The following EXOC6 variants were observed in gnomAD, a reference collection of about 807,000 sequenced individuals.
EXOC6 encodes SEC15-like 1.
In EXOC6, 60 loss-of-function variants were observed where a neutral mutation model predicts 112.5. The observed-to-expected ratio is 0.53, with a 90% CI of 0.43 to 0.66. The LOEUF is 0.66. EXOC6 is among the 30% of genes least tolerant of loss of function. The probability of loss-of-function intolerance (pLI) is 0.00; values close to 1 mark genes in which losing one functional copy is unlikely to be tolerated. For missense variants in EXOC6, 855 were observed against 957.1 expected, an observed-to-expected ratio of 0.89 and a Z score of 1.41; for synonymous variants, 295 against 308.0, an observed-to-expected ratio of 0.96 and a Z score of 0.44.
At chr10:92,990,535 C>A (rs1211329614) in intron 18 of EXOC6, among the ~76,000 whole-genome samples, 1 of 152,114 alleles carries the variant, frequency 6.6e-6, no homozygotes, top group African/African-American at 2.4e-5. Flanking sequence ...AGCTGTAGAC[C>A]TTAATGAGAG....
intron 1 of EXOC6, among the ~76,000 whole-genome samples, chr10:92,856,165 C>G (rs184865381): frequency 2.0e-5 from 3 of 151,982 alleles, no homozygotes; most frequent in Non-Finnish European, 4.4e-5. Context: ...CACCTGGCCT[C>G]TCTATTGTTT....
chr10:92,945,909 G>T (rs906146510), intron 13 of EXOC6, among the ~76,000 whole-genome samples: 1 of 152,184 alleles, frequency 6.6e-6, no homozygotes, highest in Non-Finnish European at 1.5e-5. Context: ...TACCAAAAAA[G>T]TAATTTTTGT....
intron 1 of EXOC6, among the ~76,000 whole-genome samples, chr10:92,889,210 G>A (rs1849375645): frequency 6.6e-6 from 1 of 152,172 alleles, no homozygotes; most frequent in South Asian, 2.1e-4. Flanking sequence ...CTAGTCATTA[G>A]TGTATGTTAA....
intron 5 of EXOC6, among the ~76,000 whole-genome samples, chr10:92,905,884 A>T (rs1309077218): frequency 6.6e-6 from 1 of 152,110 alleles, no homozygotes; most frequent in Admixed American, 6.6e-5. Context: ...CAGTTCAGCT[A>T]TGTCCTTATT....
At chr10:93,042,675 A>G (rs1469566060) in intron 20 of EXOC6, among the ~76,000 whole-genome samples, 1 of 152,208 alleles carries the variant, frequency 6.6e-6, no homozygotes, top group Non-Finnish European at 1.5e-5. Context: ...AACTGTGAGA[A>G]ATACATTTGT....
At chr10:93,024,168 G>A (rs1044345189) in intron 20 of EXOC6, among the ~76,000 whole-genome samples, 4 of 152,076 alleles carry the variant, frequency 2.6e-5, no homozygotes, top group African/African-American at 7.2e-5. Flanking sequence ...TCATTTGATC[G>A]TATCTTGATA....
rs1056188613 is a variant in EXOC6, at chr10:92,858,030, T to TCC, written c.101+9397_101+9398dup. On this transcript the variant is annotated intron_variant, in intron 1 of 21. Transcript: ENST00000260762. ...ATTTTTAGTTGACGGGTTCCCCCCCTCCGCCGGCCAGCAGTTTGAATATGT... is the reference window on the plus strand; with the variant it reads ...ATTTTTAGTTGACGGGTTCCCCCCCTCCCCGCCGGCCAGCAGTTTGAATATGT... Among the ~76,000 whole-genome samples the TCC allele has an allele frequency of 3.8e-4, 46 of 120,568 alleles. 5 individuals carry two copies. Among genetic ancestry groups the TCC allele is most frequent in the African/African-American group, 1.0e-3 (35 of 33,556 alleles). 79.1% of individuals were successfully genotyped at this position (120,568 alleles called of 152,430 possible).
Position 92,974,079 on chromosome 10 carries a change from A to G in EXOC6, c.1800A>G (p.Glu600=), listed in dbSNP as rs1325581328. 2 of 1,598,066 alleles carry G rather than the reference A, an allele frequency of 1.3e-6. No homozygotes were observed. Among genetic ancestry groups the G allele is most frequent in the Non-Finnish European group, 1.7e-6 (2 of 1,176,592 alleles). Residue 600 remains glutamate, a synonymous_variant, in exon 18 of 22, where the codon GAA becomes GAG. Transcript: ENST00000260762. ...FKDARHAAEG[E]IYTKLNQKID... The stretch of plus-strand genomic sequence containing the variant: ...ATGCTCGACATGCAGCAGAAGGAGA[A>G]ATATATACCAAACTGAATCAAAAAA...
intron 18 of EXOC6, among the ~76,000 whole-genome samples, chr10:92,991,600 G>C (rs1329646718): frequency 6.6e-6 from 1 of 152,166 alleles, no homozygotes; most frequent in Admixed American, 6.5e-5. Flanking sequence ...GCCAAAGTTT[G>C]ATAAGCCCTA....
intron 6 of EXOC6, among the ~76,000 whole-genome samples, chr10:92,913,464 T>A (rs1183977136): frequency 1.3e-5 from 2 of 152,236 alleles, no homozygotes; most frequent in African/African-American, 4.8e-5. Flanking sequence ...TTCCTCAGTC[T>A]CATCTTGATA....
chr10:92,827,433 C>T (rs955218739), intron 1 of EXOC6, among the ~76,000 whole-genome samples: 2 of 126,744 alleles, frequency 1.6e-5, no homozygotes, highest in Non-Finnish European at 3.1e-5. Context: ...GAGATGGCAC[C>T]ACTGCACTGC....
intron 14 of EXOC6, among the ~76,000 whole-genome samples, chr10:92,949,795 C>T (rs776245901): frequency 6.6e-5 from 10 of 151,978 alleles, no homozygotes; most frequent in Non-Finnish European, 1.5e-4. Context: ...AGGGTTTCAC[C>T]GTGTAGGTCA....
chr10:92,948,781 A>G (rs1222475844), intron 14 of EXOC6, among the ~76,000 whole-genome samples: 2 of 148,610 alleles, frequency 1.3e-5, no homozygotes, highest in African/African-American at 5.0e-5. Context: ...GAAAGAGACA[A>G]GAATTTCTTT....
chr10:92,969,397 G>C (rs1056038640), intron 17 of EXOC6, among the ~76,000 whole-genome samples: 4 of 152,156 alleles, frequency 2.6e-5, no homozygotes, highest in Non-Finnish European at 4.4e-5. Flanking sequence ...TGAGGTCACA[G>C]ATGCTGTAGT....
In EXOC6 at chr10:92,858,017, C is replaced by A. The variant is rs1003921472; in HGVS notation, c.101+9383C>A. Reference sequence around the variant, plus strand: ...TACCATATGTAAGATTTTTAGTTGACGGGTTCCCCCCCTCCGCCGGCCAGC... The same window carrying A: ...TACCATATGTAAGATTTTTAGTTGAAGGGTTCCCCCCCTCCGCCGGCCAGC... On this transcript the variant is annotated intron_variant, in intron 1 of 21. Transcript: ENST00000260762. Among the ~76,000 whole-genome samples, 4 of 128,480 alleles carry A rather than the reference C, an allele frequency of 3.1e-5. No individual in the cohort carries two copies. The South Asian group carries it at 9.2e-4, about 29-fold the overall frequency. The allele number at this position is 128,480 out of a possible 152,430, so 84.3% of individuals were successfully genotyped here. A position where few individuals can be genotyped will look rare whatever the true frequency, so the allele number is the denominator to read the frequency against.
chr10:92,891,038 G>T (rs1005596432), intron 1 of EXOC6, among the ~76,000 whole-genome samples: 2 of 152,188 alleles, frequency 1.3e-5, no homozygotes, highest in Non-Finnish European at 2.9e-5. Context: ...CATGTTGTTG[G>T]CTTAGTCCAG....
chr10:92,941,800 G>A (rs1852682006), intron 13 of EXOC6, among the ~76,000 whole-genome samples: 1 of 152,136 alleles, frequency 6.6e-6, no homozygotes, highest in Admixed American at 6.5e-5. Flanking sequence ...TAATATCTGT[G>A]TAACTTTTTA....
intron 17 of EXOC6, among the ~76,000 whole-genome samples, chr10:92,967,956 C>G (rs1842134302): frequency 6.6e-6 from 1 of 152,126 alleles, no homozygotes; most frequent in Admixed American, 6.5e-5. Context: ...ATTATGAACA[C>G]TGGGGCAAAA....
At chr10:92,897,609 T>C (rs1232856113) in intron 4 of EXOC6, among the ~76,000 whole-genome samples, 3 of 152,182 alleles carry the variant, frequency 2.0e-5, no homozygotes, top group Non-Finnish European at 2.9e-5. Context: ...AAATTCCTTA[T>C]GGACAAAGGA....
Sources: gnomAD v4.1 joint callset for allele counts (sites outside exome capture counted in the v4.1 genomes callset) on GRCh38, gnomAD v4.1.1 for gene constraint, MANE v1.5 for transcripts, NCBI Gene and HGNC (gene_info 2026-07-23, HGNC 2026-07-21) for gene names.